ACTR3C: variants seen among roughly 807,000 people sequenced by gnomAD.
The protein encoded by ACTR3C is actin-related protein 3C.
ACTR3C carries 18 observed loss-of-function variants against 26.3 expected under a neutral mutation model. That is an observed-to-expected ratio of 0.68 (90% confidence interval 0.47 to 1.01). The LOEUF (loss-of-function observed/expected upper bound fraction) is 1.01. ACTR3C is among the 50% of genes least tolerant of loss of function. ACTR3C has a pLI of 0.00. For synonymous variants in ACTR3C, 55 were observed against 94.5 expected, an observed-to-expected ratio of 0.58 and a Z score of 2.42; for missense variants, 184 against 250.7, an observed-to-expected ratio of 0.73 and a Z score of 1.80.
the ACTR3C span, among the ~76,000 whole-genome samples, chr7:150,143,497 C>T: frequency 2.0e-5 from 3 of 152,250 alleles, no homozygotes; most frequent in Middle Eastern, 3.4e-3. Flanking sequence ...GCAGATTCAA[C>T]GACTGTAAAT....
chr7:150,079,072 G>C, the ACTR3C span, among the ~76,000 whole-genome samples: 1 of 152,182 alleles, frequency 6.6e-6, no homozygotes, highest in Admixed American at 6.5e-5. Context: ...CCTGGTTTGG[G>C]ATATATGGTT....
At chr7:150,042,259 C>A in the ACTR3C span, among the ~76,000 whole-genome samples, 1 of 20,438 alleles carries the variant, frequency 4.9e-5, no homozygotes, top group Non-Finnish European at 8.4e-5. Flanking sequence ...CCCACCCTTG[C>A]GGTGGGTGCC....
At chr7:150,178,603 G>A in the ACTR3C span, among the ~76,000 whole-genome samples, 2 of 150,406 alleles carry the variant, frequency 1.3e-5, no homozygotes. Context: ...TTTTTAATAT[G>A]AGTTGAGACC....
the ACTR3C span, among the ~76,000 whole-genome samples, chr7:150,237,601 C>A: frequency 6.6e-6 from 1 of 152,150 alleles, no homozygotes; most frequent in African/African-American, 2.4e-5. Context: ...TGGAAGAACT[C>A]CAAGTACCTA....
the ACTR3C span, among the ~76,000 whole-genome samples, chr7:150,176,224 T>C: frequency 2.0e-5 from 3 of 150,926 alleles, 1 homozygote; most frequent in African/African-American, 7.5e-5. Context: ...CATTCCACTA[T>C]ATCATGAAAA....
chr7:149,990,930 G>A, the ACTR3C span, among the ~76,000 whole-genome samples: 3 of 152,232 alleles, frequency 2.0e-5, no homozygotes, highest in East Asian at 1.9e-4. Flanking sequence ...ACCGGAAAGC[G>A]AGTCGGGGCC....
the ACTR3C span, among the ~76,000 whole-genome samples, chr7:150,063,721 G>A: frequency 6.6e-6 from 1 of 151,936 alleles, no homozygotes; most frequent in Non-Finnish European, 1.5e-5. Context: ...ATTTCCTTTT[G>A]CCTTGGGATA....
At chr7:149,979,204 A>T in the ACTR3C span, among the ~76,000 whole-genome samples, 1 of 152,188 alleles carries the variant, frequency 6.6e-6, no homozygotes. Flanking sequence ...TTTGACACAC[A>T]CTTTGCAAAA....
chr7:149,959,230 C>G, the ACTR3C span, among the ~76,000 whole-genome samples: 34 of 1,446 alleles, frequency 0.024, no homozygotes, highest in South Asian at 0.16. Context: ...TCGCCCCCCA[C>G]CCCCACAATC....
chr7:150,228,576 T>G, the ACTR3C span, among the ~76,000 whole-genome samples: 1 of 152,174 alleles, frequency 6.6e-6, no homozygotes, highest in Non-Finnish European at 1.5e-5. Flanking sequence ...AAAGCTATGC[T>G]GATTATTTGA....
At chr7:150,035,832 G>C in the ACTR3C span, among the ~76,000 whole-genome samples, 1 of 135,210 alleles carries the variant, frequency 7.4e-6, no homozygotes, top group African/African-American at 2.7e-5. Context: ...CTGCCTTGCG[G>C]GGGTTGCCTC....
intron 1 of ACTR3C, among the ~76,000 whole-genome samples, chr7:150,301,976 C>A (rs1366317336): frequency 6.6e-6 from 1 of 152,046 alleles, no homozygotes; most frequent in Non-Finnish European, 1.5e-5. Context: ...CCTAATGCCA[C>A]CAAGCTGTAC....
chr7:149,955,766 C>T, the ACTR3C span, among the ~76,000 whole-genome samples: 1 of 152,190 alleles, frequency 6.6e-6, no homozygotes, highest in Non-Finnish European at 1.5e-5. Context: ...CTCCTCCAAA[C>T]GTGAGAGCTT....
the ACTR3C span, among the ~76,000 whole-genome samples, chr7:150,209,990 A>G: frequency 1.3e-5 from 2 of 150,888 alleles, no homozygotes; most frequent in African/African-American, 2.5e-5. Flanking sequence ...TTGCAAATAT[A>G]TAGCTGATAA....
chr7:149,992,543 T>C, the ACTR3C span, among the ~76,000 whole-genome samples: 2 of 152,182 alleles, frequency 1.3e-5, no homozygotes, highest in Non-Finnish European at 2.9e-5. Flanking sequence ...GCACAACCCC[T>C]TCCCGTCCGG....
chr7:149,997,726 C>T, the ACTR3C span, among the ~76,000 whole-genome samples: 4 of 149,770 alleles, frequency 2.7e-5, no homozygotes, highest in Non-Finnish European at 4.4e-5. Context: ...TTTTTACTCT[C>T]TGCAAAATAT....
the ACTR3C span, among the ~76,000 whole-genome samples, chr7:150,103,980 C>T: frequency 6.6e-6 from 1 of 151,916 alleles, no homozygotes; most frequent in Non-Finnish European, 1.5e-5. Flanking sequence ...CATTCGACAA[C>T]ATAAAAGTTA....
At chr7:150,137,839 G>T in the ACTR3C span, among the ~76,000 whole-genome samples, 5 of 152,178 alleles carry the variant, frequency 3.3e-5, no homozygotes, top group African/African-American at 4.8e-5. Flanking sequence ...ATGGAAATGA[G>T]AAATTTCATG....
chr7:150,050,118 C>A, the ACTR3C span, among the ~76,000 whole-genome samples: 1 of 152,124 alleles, frequency 6.6e-6, no homozygotes, highest in Non-Finnish European at 1.5e-5. Context: ...AGCTGCCTCT[C>A]CTAACATGGA....
Sources: gnomAD v4.1 joint callset for allele counts (sites outside exome capture counted in the v4.1 genomes callset) on GRCh38, gnomAD v4.1.1 for gene constraint, MANE v1.5 for transcripts, NCBI Gene and HGNC (gene_info 2026-07-23, HGNC 2026-07-21) for gene names.